Variants in ESR1 observed in about 807,000 individuals in gnomAD.
The protein encoded by ESR1 is estrogen receptor.
Under a neutral mutation model 52.7 loss-of-function variants are expected in ESR1, and 12 were observed. The ratio of observed to expected loss-of-function variants is 0.23; its 90% CI spans 0.15 to 0.37. The LOEUF (loss-of-function observed/expected upper bound fraction) is 0.37, where lower values mean the gene tolerates loss of function less well. Among genes scored for constraint, ESR1 ranks in the 10% least tolerant of loss-of-function variants. The probability of loss-of-function intolerance (pLI) is 1.00; values close to 1 mark genes in which losing one functional copy is unlikely to be tolerated. For synonymous variants in ESR1, 305 were observed against 316.8 expected (o/e 0.96, Z 0.39); for missense variants, 584 against 779.7 (o/e 0.75, Z 2.99).
At chr6:151,666,674 T>C (rs1777833415) in intron 1 of ESR1, among the ~76,000 whole-genome samples, 1 of 151,076 alleles carries the variant, frequency 6.6e-6, no homozygotes, top group Non-Finnish European at 1.5e-5. Flanking sequence ...TTACTCACCC[T>C]ATTGGTGCCT....
chr6:151,748,646 T>C lies in ESR1; in HGVS notation c.-71+46641T>C, dbSNP rs1429248065. Among the ~76,000 whole-genome samples, 4 of 152,184 alleles carry C rather than the reference T, an allele frequency of 2.6e-5. No homozygotes were observed. In the East Asian group the frequency reaches 7.7e-4, roughly 29 times the overall value. On this transcript the variant is annotated intron_variant, in intron 2 of 2. Coordinates refer to the ESR1 transcript ENST00000404742. ...CATCAACAGGGGATGAGAGTGCCTATTAGCCCACAATCTTTCCAGCTTAAC... is the reference window on the plus strand; with the variant it reads ...CATCAACAGGGGATGAGAGTGCCTACTAGCCCACAATCTTTCCAGCTTAAC...
chr6:152,013,714 G>A (rs2042955863), intron 5 of ESR1, among the ~76,000 whole-genome samples: 1 of 152,144 alleles, frequency 6.6e-6, no homozygotes, highest in Non-Finnish European at 1.5e-5. Context: ...GTACACTCCA[G>A]TGGTGGCTAA....
chr6:152,112,189 G>T, intron 6 of ESR1, among the ~76,000 whole-genome samples: 1 of 152,182 alleles, frequency 6.6e-6, no homozygotes. Context: ...AGAACTCAAG[G>T]CAGCTCCAGG....
intron 1 of ESR1, chr6:151,809,143 C>T (rs567075507): frequency 5.6e-5 from 24 of 431,076 alleles, no homozygotes; most frequent in Admixed American, 5.2e-4. Context: ...AGTGACAAGC[C>T]TGTCCCACCC....
intron 4 of ESR1, among the ~76,000 whole-genome samples, chr6:152,006,451 A>G (rs1003477734): frequency 6.6e-6 from 1 of 151,970 alleles, no homozygotes; most frequent in Non-Finnish European, 1.5e-5. Context: ...GATCCATGGT[A>G]TGGCAATAAG....
At chr6:151,904,192 G>C (rs1797105717) in intron 3 of ESR1, among the ~76,000 whole-genome samples, 1 of 152,106 alleles carries the variant, frequency 6.6e-6, no homozygotes, top group South Asian at 2.1e-4. Flanking sequence ...AAATTTATTA[G>C]TAATCTGAAG....
At chr6:151,887,003 T>G (rs562827634) in intron 3 of ESR1, among the ~76,000 whole-genome samples, 66 of 146,420 alleles carry the variant, frequency 4.5e-4, no homozygotes, top group African/African-American at 1.6e-3. Context: ...ATCACACCAC[T>G]GCACTCCAGC....
chr6:151,963,169 T>C (rs1009321418), intron 4 of ESR1, among the ~76,000 whole-genome samples: 21 of 152,228 alleles, frequency 1.4e-4, no homozygotes, highest in African/African-American at 4.6e-4. Context: ...ATTCATTTTT[T>C]AACCATAACG....
intron 2 of ESR1, among the ~76,000 whole-genome samples, chr6:151,734,058 T>C (rs78519756): frequency 6.6e-6 from 1 of 152,328 alleles, no homozygotes; most frequent in Non-Finnish European, 1.5e-5. Flanking sequence ...TGAGTCAGAT[T>C]TTTTTGCCTG....
At chr6:151,747,964 G>A (rs1174971889) in intron 2 of ESR1, among the ~76,000 whole-genome samples, 1 of 152,118 alleles carries the variant, frequency 6.6e-6, no homozygotes, top group Non-Finnish European at 1.5e-5. Context: ...TTTTTGTGTG[G>A]ACACACATCT....
chr6:151,663,164 T>A (rs1777698615), intron 1 of ESR1, among the ~76,000 whole-genome samples: 1 of 152,240 alleles, frequency 6.6e-6, no homozygotes, highest in Non-Finnish European at 1.5e-5. Flanking sequence ...TGATAACAAA[T>A]ACAGGGTGTT....
chr6:151,715,697 T>C (rs1780978634), intron 2 of ESR1, among the ~76,000 whole-genome samples: 1 of 152,230 alleles, frequency 6.6e-6, no homozygotes, highest in South Asian at 2.1e-4. Flanking sequence ...TCATTTATGT[T>C]CTGCTCTAAA....
At chr6:151,890,554 A>G (rs1479247993) in intron 3 of ESR1, among the ~76,000 whole-genome samples, 1 of 152,190 alleles carries the variant, frequency 6.6e-6, no homozygotes, top group African/African-American at 2.4e-5. Flanking sequence ...TTTCTGTCCG[A>G]ATAATCTGTC....
At chr6:151,765,813 C>G (rs1785007167) in intron 2 of ESR1, among the ~76,000 whole-genome samples, 1 of 152,174 alleles carries the variant, frequency 6.6e-6, no homozygotes, top group African/African-American at 2.4e-5. Flanking sequence ...AATCTCTCAG[C>G]CTCTAGTCCA....
chr6:151,873,117 T>C (rs1663571507), intron 2 of ESR1, among the ~76,000 whole-genome samples: 1 of 152,200 alleles, frequency 6.6e-6, no homozygotes, highest in Non-Finnish European at 1.5e-5. Flanking sequence ...GGAAAGTAGA[T>C]ACCATTCTTG....
chr6:151,835,365 A>G (rs183388817), intron 1 of ESR1, among the ~76,000 whole-genome samples: 17 of 152,316 alleles, frequency 1.1e-4, no homozygotes, highest in African/African-American at 3.8e-4. Context: ...GATTCCACAA[A>G]GAGCAAATAT....
chr6:151,679,794 G>T (rs77898745), intron 1 of ESR1, among the ~76,000 whole-genome samples: 2,993 of 152,220 alleles, frequency 0.02, 56 homozygotes, highest in Non-Finnish European at 0.026. Context: ...GGGACACTCC[G>T]GTCTTTGCTC....
chr6:151,982,387 G>T (rs772345424), intron 4 of ESR1, among the ~76,000 whole-genome samples: 6 of 152,206 alleles, frequency 3.9e-5, no homozygotes, highest in Non-Finnish European at 8.8e-5. Context: ...AGAATGTCTA[G>T]AACAGTGCTT....
intron 3 of ESR1, among the ~76,000 whole-genome samples, chr6:151,931,299 A>G (rs2033565390): frequency 6.6e-6 from 1 of 152,140 alleles, no homozygotes; most frequent in African/African-American, 2.4e-5. Flanking sequence ...TGTTGAATCA[A>G]TTGATTAGTC....
Sources: gnomAD v4.1 joint callset for allele counts (sites outside exome capture counted in the v4.1 genomes callset) on GRCh38, gnomAD v4.1.1 for gene constraint, MANE v1.5 for transcripts, NCBI Gene and HGNC (gene_info 2026-07-23, HGNC 2026-07-21) for gene names.